Variants in MROH1 observed in about 807,000 individuals in gnomAD.
MROH1 encodes maestro heat like repeat family member 1, also known as maestro heat-like repeat-containing protein family member 1.
MROH1 carries 117 observed loss-of-function variants against 116.5 expected under a neutral mutation model. The observed-to-expected ratio is 1.00, with a 90% CI of 0.86 to 1.17. The LOEUF is 1.17. Among genes scored for constraint, MROH1 ranks in the 50% most tolerant of loss-of-function variants. MROH1 has a pLI of 0.00. For synonymous variants in MROH1, 921 were observed against 583.9 expected, an observed-to-expected ratio of 1.58 and a Z score of -8.32; for missense variants, 1,873 against 1,338.5, an observed-to-expected ratio of 1.40 and a Z score of -6.23.
Position 144,223,219 on chromosome 8 carries a change from C to G in MROH1, c.1327C>G (p.Pro443Ala). 1 of 1,604,642 alleles carries G rather than the reference C, an allele frequency of 6.2e-7. No individual in the cohort carries two copies. The highest frequency in any genetic ancestry group is 8.5e-7 in the Non-Finnish European group (1 of 1,176,180). The change falls in exon 14 of 44, where the codon CCC becomes GCC. Residue 443 changes from proline to alanine, a missense_variant. Pro to Ala is a conservative substitution (Grantham distance 27). Coordinates refer to ENST00000326134, the MANE Select transcript of MROH1 (RefSeq NM_032450.3). ...EYIVQQCALP[P>A]EQEPEKPGPG... ...CATCGTGCAGCAGTGCGCGCTGCCC[C>G]CCGAGCAGGAGGTAAGGGGCTGCCA...
intron 31 of MROH1, 111 bp downstream of exon 31, chr8:144,247,790 G>T: frequency 2.9e-6 from 2 of 696,894 alleles, no homozygotes; most frequent in Non-Finnish European, 5.2e-6. Flanking sequence ...GCCACCCATG[G>T]CCAGTGGGCA....
chr8:144,243,842 T>C (rs2132983666), intron 25 of MROH1, 21 bp from the exon 26 acceptor site: 1 of 774,982 alleles, frequency 1.3e-6, no homozygotes, highest in Non-Finnish European at 2.4e-6. Context: ...AAGGGCTGAG[T>C]CATGCACCTG....
Position 144,221,154 on chromosome 8 carries a change from C to T in MROH1, c.1215+481C>T, listed in dbSNP as rs1339431790. 5.9e-5 allele frequency among the ~76,000 whole-genome samples: 9 copies of T among 152,184 alleles called. 1 individual carries two copies. Among genetic ancestry groups the T allele is most frequent in the Admixed American group, 5.2e-4 (8 of 15,274 alleles). On this transcript the variant is annotated intron_variant, in intron 13 of 43. Transcript: ENST00000326134. ...CAATGTGGGTCACAGAGCATCACAA[C>T]CAGGGAAGCTCCTGCCTTGGGGTCT...
At chr8:144,187,527 C>T (rs1827494512) in intron 7 of MROH1, among the ~76,000 whole-genome samples, 3 of 152,220 alleles carry the variant, frequency 2.0e-5, no homozygotes, top group Admixed American at 6.5e-5. Context: ...CAACACATTC[C>T]CACAAATTAT....
intron 4 of MROH1, among the ~76,000 whole-genome samples, chr8:144,174,454 C>A (rs1273723791): frequency 6.6e-6 from 1 of 151,844 alleles, no homozygotes; most frequent in African/African-American, 2.4e-5. Context: ...TTCAAACCAA[C>A]CCTGGAACAC....
chr8:144,245,764 A>G (rs2133038246), intron 29 of MROH1, among the ~76,000 whole-genome samples: 1 of 152,026 alleles, frequency 6.6e-6, no homozygotes, highest in Non-Finnish European at 1.5e-5. Context: ...GGCTCAAGTG[A>G]TCCTCCCGCC....
intron 17 of MROH1, 123 bp from the exon 18 acceptor site, chr8:144,239,491 G>A (rs1460858659): frequency 1.7e-5 from 13 of 766,102 alleles, no homozygotes; most frequent in East Asian, 9.8e-5. Flanking sequence ...TTTCCTCTAC[G>A]TGGGCGGCCC....
intron 29 of MROH1, among the ~76,000 whole-genome samples, chr8:144,246,065 C>G (rs1230935374): frequency 8.0e-6 from 1 of 125,644 alleles, no homozygotes; most frequent in Non-Finnish European, 1.6e-5. Context: ...CCCTCCCTTC[C>G]TCCTTCCTTT....
intron 1 of MROH1, among the ~76,000 whole-genome samples, chr8:144,151,620 C>G (rs929692344): frequency 6.6e-6 from 1 of 152,210 alleles, no homozygotes; most frequent in East Asian, 1.9e-4. Flanking sequence ...GGGCAAGAAC[C>G]CGGGATACAA....
At chr8:144,209,613 A>G (rs1014456782) in intron 12 of MROH1, among the ~76,000 whole-genome samples, 5 of 150,914 alleles carry the variant, frequency 3.3e-5, no homozygotes, top group Non-Finnish European at 5.9e-5. Context: ...AATCGTTAGT[A>G]TAAAAGAAAT....
intron 3 of MROH1, 74 bp from the exon 4 acceptor site, chr8:144,168,221 C>T: frequency 5.5e-6 from 8 of 1,466,566 alleles, no homozygotes; most frequent in Non-Finnish European, 7.2e-6. Flanking sequence ...GTGTCCACTG[C>T]AGGAGTGGCA....
chr8:144,253,847 G>A (rs965349055), intron 33 of MROH1, among the ~76,000 whole-genome samples: 23 of 151,706 alleles, frequency 1.5e-4, no homozygotes, highest in East Asian at 5.8e-4. Flanking sequence ...GGCTTCTGTC[G>A]TTGCTCCTGA....
intron 22 of MROH1, chr8:144,242,168 C>T (rs1841120251): frequency 1.5e-6 from 1 of 654,238 alleles, no homozygotes; most frequent in Non-Finnish European, 2.8e-6. Flanking sequence ...TGGCTGGCTG[C>T]CTGTGCTCCT....
intron 9 of MROH1, 41 bp downstream of exon 9, chr8:144,191,896 C>A (rs1401370873): frequency 6.2e-7 from 1 of 1,610,114 alleles, no homozygotes; most frequent in East Asian, 2.2e-5. Context: ...CCGAGGACCC[C>A]TCCAATCAGA....
At chr8:144,195,850 C>A (rs1209374791) in intron 10 of MROH1, among the ~76,000 whole-genome samples, 1 of 151,998 alleles carries the variant, frequency 6.6e-6, no homozygotes, top group African/African-American at 2.4e-5. Context: ...TAGCTGGGAC[C>A]ACAAATCATG....
At chr8:144,193,506 T>C (rs1829124447) in intron 10 of MROH1, among the ~76,000 whole-genome samples, 1 of 152,230 alleles carries the variant, frequency 6.6e-6, no homozygotes, top group African/African-American at 2.4e-5. Flanking sequence ...TATAAGGAAA[T>C]GCAGATGTGT....
In MROH1 at chr8:144,249,032, G is replaced by A. The variant is rs1047911522; in HGVS notation, c.3273+3G>A. ...GGGGCGGTGTGCTCCAGGAGAAGGT[G>A]GGAGAGGGCGGGGCGCGGGGGGTGC... On this transcript the variant is annotated splice_donor_region_variant and intron_variant, in intron 32 of 43. Coordinates refer to ENST00000326134, the MANE Select transcript of MROH1 (RefSeq NM_032450.3). 5.7e-6 allele frequency: 4 copies of A among 707,634 alleles called. No homozygotes were observed. Among genetic ancestry groups the A allele is most frequent in the Non-Finnish European group, 1.1e-5 (4 of 379,508 alleles). The allele number at this position is 707,634 out of a possible 1,614,324, so 43.8% of individuals were successfully genotyped here. A position where few individuals can be genotyped will look rare whatever the true frequency, so the allele number is the denominator to read the frequency against.
At chr8:144,216,445 T>G (rs1835283850) in intron 12 of MROH1, among the ~76,000 whole-genome samples, 1 of 151,912 alleles carries the variant, frequency 6.6e-6, no homozygotes, top group Non-Finnish European at 1.5e-5. Flanking sequence ...CTCCATTCCA[T>G]CCTGGGCAAC....
At chr8:144,157,835 GC>G (rs1818531721) in intron 1 of MROH1, among the ~76,000 whole-genome samples, 1 of 151,432 alleles carries the variant, frequency 6.6e-6, no homozygotes, top group African/African-American at 2.4e-5. Context: ...GTGCCACCAT[GC>G]CCAGCTGATT....
Sources: gnomAD v4.1 joint callset for allele counts (sites outside exome capture counted in the v4.1 genomes callset) on GRCh38, gnomAD v4.1.1 for gene constraint, MANE v1.5 for transcripts, NCBI Gene and HGNC (gene_info 2026-07-23, HGNC 2026-07-21) for gene names.